GGNBP2: variants seen among roughly 807,000 people sequenced by gnomAD.
GGNBP2 encodes the protein gametogenetin binding protein 2, also known as gametogenetin-binding protein 2.
In GGNBP2, 10 loss-of-function variants were observed where a neutral mutation model predicts 85.9. The ratio of observed to expected loss-of-function variants is 0.12; its 90% CI spans 0.07 to 0.20. The LOEUF is 0.20. GGNBP2 is among the 10% of genes least tolerant of loss of function. GGNBP2 has a pLI of 1.00. For synonymous variants in GGNBP2, 287 were observed against 285.7 expected (o/e 1.00, Z -0.05); for missense variants, 595 against 857.8 (o/e 0.69, Z 3.83).
At chr17:36,580,068 T>TA (rs1326242252) in intron 8 of GGNBP2, among the ~76,000 whole-genome samples, 2 of 152,094 alleles carry the variant, frequency 1.3e-5, no homozygotes, top group Non-Finnish European at 2.9e-5. Flanking sequence ...AGTGAAAAGT[T>TA]AAATGCCCCC....
At chr17:36,575,705 G>C (rs534546985) in intron 6 of GGNBP2, among the ~76,000 whole-genome samples, 14 of 136,164 alleles carry the variant, frequency 1.0e-4, no homozygotes, top group African/African-American at 3.7e-4. Context: ...GGAGTGCAGT[G>C]GTGCGATCTT....
chr17:36,565,356 TG>T (rs2074457366), intron 5 of GGNBP2, among the ~76,000 whole-genome samples: 1 of 152,164 alleles, frequency 6.6e-6, no homozygotes, highest in African/African-American at 2.4e-5. Context: ...GTTATTTTTT[TG>T]GAAAGTTTGA....
intron 5 of GGNBP2, among the ~76,000 whole-genome samples, chr17:36,561,499 A>G (rs897994372): frequency 6.6e-6 from 1 of 152,212 alleles, no homozygotes; most frequent in African/African-American, 2.4e-5. Flanking sequence ...TGATCTACAG[A>G]ATAGTCATAA....
intron 2 of GGNBP2, among the ~76,000 whole-genome samples, chr17:36,551,352 A>G (rs2074306836): frequency 6.6e-6 from 1 of 151,974 alleles, no homozygotes; most frequent in Admixed American, 6.6e-5. Flanking sequence ...GATTACAGGC[A>G]TGTGCCACTA....
At chr17:36,557,024 GA>G (rs1555604304) in intron 3 of GGNBP2, 58 bp from the exon 4 acceptor site, 1 of 1,599,082 alleles carries the variant, frequency 6.3e-7, no homozygotes, top group Non-Finnish European at 8.5e-7. Context: ...CAGTAGTAGT[GA>G]AAGTGTAATT....
chr17:36,571,383 C>G (rs1049878297), intron 6 of GGNBP2, among the ~76,000 whole-genome samples: 5 of 152,024 alleles, frequency 3.3e-5, no homozygotes, highest in Admixed American at 3.3e-4. Context: ...TACCCCGTCT[C>G]TACTAAAAAT....
chr17:36,577,182 C>G (rs1280689283), intron 6 of GGNBP2: 1 of 152,176 alleles, frequency 6.6e-6, no homozygotes, highest in African/African-American at 2.4e-5. Context: ...TGACCAAGTT[C>G]TTCTTGTTCC....
intron 2 of GGNBP2, chr17:36,546,040 A>G: frequency 4.0e-6 from 2 of 497,148 alleles, no homozygotes; most frequent in Admixed American, 6.8e-5. Context: ...CTCTCTCCAG[A>G]TTTTCCTTCT....
At chr17:36,548,782 G>T (rs1441737894) in intron 2 of GGNBP2, among the ~76,000 whole-genome samples, 1 of 151,718 alleles carries the variant, frequency 6.6e-6, no homozygotes, top group Non-Finnish European at 1.5e-5. Context: ...TGTCTCTACT[G>T]AAATACAAAA....
chr17:36,586,935 T>TTTAA, intron 12 of GGNBP2, 62 bp from the exon 13 acceptor site: 1 of 1,215,632 alleles, frequency 8.2e-7, no homozygotes, highest in South Asian at 1.6e-5. Context: ...TTTTTTTTTT[T>TTTAA]AAAGAATAAT....
intron 6 of GGNBP2, chr17:36,577,684 C>T (rs2074605512): frequency 1.7e-5 from 7 of 409,180 alleles, no homozygotes; most frequent in South Asian, 1.7e-4. Context: ...TATGCTAGTT[C>T]TTGGCAACTA....
intron 4 of GGNBP2, among the ~76,000 whole-genome samples, chr17:36,558,603 C>T (rs1599509619): frequency 6.6e-6 from 1 of 151,306 alleles, no homozygotes; most frequent in African/African-American, 2.4e-5. Flanking sequence ...TTACAGGTGC[C>T]CACTACCACG....
intron 7 of GGNBP2, chr17:36,578,606 G>T (rs531260644): frequency 6.1e-6 from 1 of 163,208 alleles, no homozygotes; most frequent in African/African-American, 2.4e-5. Flanking sequence ...TTCACGAACT[G>T]TGTATATTAT....
intron 9 of GGNBP2, among the ~76,000 whole-genome samples, chr17:36,584,997 T>A (rs750479205): frequency 1.3e-5 from 2 of 152,032 alleles, no homozygotes; most frequent in Non-Finnish European, 2.9e-5. Flanking sequence ...GTGGTTGATA[T>A]CTGATACAAT....
chr17:36,559,561 A>G (rs899933552), intron 4 of GGNBP2, among the ~76,000 whole-genome samples: 4 of 152,138 alleles, frequency 2.6e-5, no homozygotes, highest in African/African-American at 9.7e-5. Context: ...GACTTTTGAT[A>G]TTTACTGTGC....
chr17:36,562,715 C>T (rs1277456395), intron 5 of GGNBP2, among the ~76,000 whole-genome samples: 1 of 150,956 alleles, frequency 6.6e-6, no homozygotes, highest in East Asian at 2.0e-4. Flanking sequence ...GCCTGTAATC[C>T]CAGCACTTTT....
At chr17:36,553,085 A>G (rs2074326496) in intron 2 of GGNBP2, among the ~76,000 whole-genome samples, 1 of 151,972 alleles carries the variant, frequency 6.6e-6, no homozygotes, top group African/African-American at 2.4e-5. Context: ...TATAGTGAAT[A>G]TAGAATTGGA....
chr17:36,584,952 C>CA (rs34371498), intron 9 of GGNBP2, among the ~76,000 whole-genome samples: 14,445 of 121,952 alleles, frequency 0.12, 1,259 homozygotes, highest in African/African-American at 0.29. Context: ...AGACCGTACT[C>CA]AAAAAAAAAA....
intron 8 of GGNBP2, among the ~76,000 whole-genome samples, chr17:36,580,796 G>C (rs545803868): frequency 6.6e-6 from 1 of 152,122 alleles, no homozygotes; most frequent in South Asian, 2.1e-4. Flanking sequence ...GCGCATGCCT[G>C]TGGTCTCAGC....
Sources: gnomAD v4.1 joint callset for allele counts (sites outside exome capture counted in the v4.1 genomes callset) on GRCh38, gnomAD v4.1.1 for gene constraint, MANE v1.5 for transcripts, NCBI Gene and HGNC (gene_info 2026-07-23, HGNC 2026-07-21) for gene names.